The following SSRP1 variants were observed in gnomAD, a reference collection of about 807,000 sequenced individuals.
SSRP1 encodes structure specific recognition protein 1.
Under a neutral mutation model 84.4 loss-of-function variants are expected in SSRP1, and 21 were observed. The observed-to-expected ratio is 0.25, with a 90% CI of 0.18 to 0.36. The LOEUF (loss-of-function observed/expected upper bound fraction) is 0.36, where lower values mean the gene tolerates loss of function less well. SSRP1 is among the 10% of genes least tolerant of loss of function. The pLI is 1.00. For synonymous variants in SSRP1, 319 were observed against 318.3 expected (o/e 1.00, Z -0.02); for missense variants, 519 against 900.8 (o/e 0.58, Z 5.43).
In SSRP1 at chr11:57,335,322, C is replaced by A. The variant is rs546766219; in HGVS notation, c.-119-82G>T. On this transcript the variant is annotated intron_variant, in intron 1 of 16. Coordinates refer to ENST00000278412, the MANE Select transcript of SSRP1 (RefSeq NM_003146.3). This position sits in a 1 kb window ranked among gnomAD's most constrained non-coding sequence, Gnocchi z 4.6. Reference sequence around the variant, plus strand: ...GATGGAGCCAGGTAGCAACTCCCAGCTGCGCCTGGATGTCTCAGGATTTCC... The same window carrying A: ...GATGGAGCCAGGTAGCAACTCCCAGATGCGCCTGGATGTCTCAGGATTTCC... 3.4e-6 allele frequency: 2 copies of A among 588,598 alleles called. No individual in the cohort carries two copies. Among genetic ancestry groups the A allele is most frequent in the East Asian group, 6.1e-5 (2 of 32,740 alleles). 36.5% of individuals were successfully genotyped at this position (588,598 alleles called of 1,614,324 possible). A position where few individuals can be genotyped will look rare whatever the true frequency, so the allele number is the denominator to read the frequency against.
Position 57,330,750 on chromosome 11 carries a change from G to A in SSRP1, c.1296+105C>T. The A allele has an allele frequency of 6.3e-7, 1 of 1,581,120 alleles. No homozygotes were observed. Among genetic ancestry groups the A allele is most frequent in the Non-Finnish European group, 8.6e-7 (1 of 1,162,480 alleles). On this transcript the variant is annotated intron_variant, in intron 10 of 16. Coordinates refer to ENST00000278412, the MANE Select transcript of SSRP1 (RefSeq NM_003146.3). This position sits in a 1 kb window ranked among gnomAD's most constrained non-coding sequence, Gnocchi z 4.0. The stretch of plus-strand genomic sequence containing the variant: ...ACACGCACCTCTTTTTTCTATAAGG[G>A]TAAGAAGAGAAGAAAGAGTGAAAAA...
intron 16 of SSRP1, 54 bp downstream of exon 16, chr11:57,326,649 G>T: frequency 6.3e-7 from 1 of 1,592,934 alleles, no homozygotes; most frequent in South Asian, 1.1e-5. Flanking sequence ...ACCCCACACA[G>T]ACACACATGC....
Position 57,333,105 on chromosome 11 carries a change from T to A in SSRP1, c.391A>T (p.Ile131Leu), listed in dbSNP as rs1306551051. 3.1e-6 allele frequency: 5 copies of A among 1,613,538 alleles called. No individual in the cohort carries two copies. Among genetic ancestry groups the A allele is most frequent in the Non-Finnish European group, 4.2e-6 (5 of 1,179,706 alleles). ...FDIGDQPVFE[I>L]PLSNVSQCTT... Reference sequence around the variant, plus strand: ...CACTGGGACACATTGCTGAGGGGTATCTCAAAGACTGGCTGGTCACCAATG... The same window carrying A: ...CACTGGGACACATTGCTGAGGGGTAACTCAAAGACTGGCTGGTCACCAATG... Residue 131 changes from isoleucine to leucine, a missense_variant, in exon 5 of 17, where the codon ATA becomes TTA. By Grantham distance (5) the Ile-to-Leu change is conservative. Coordinates refer to ENST00000278412, the MANE Select transcript of SSRP1 (RefSeq NM_003146.3).
At position 57,330,609 on chromosome 11, in the gene SSRP1, G is replaced by A. The variant is rs1191309846; in HGVS notation, c.1297-180C>T. On this transcript the variant is annotated intron_variant, in intron 10 of 16. Coordinates refer to ENST00000278412, the MANE Select transcript of SSRP1 (RefSeq NM_003146.3). The surrounding 1 kb of genome is among the most constrained non-coding windows in gnomAD (Gnocchi z 4.0). ...TGCCCAAGTACTTCCTGCCAACTGG[G>A]TTAGTCCAAGCCCCAAGCCCCTCCC... 2.8e-6 allele frequency: 4 copies of A among 1,432,398 alleles called. No homozygotes were observed. Among genetic ancestry groups the A allele is most frequent in the Non-Finnish European group, 3.7e-6 (4 of 1,093,254 alleles). 88.7% of individuals were successfully genotyped at this position (1,432,398 alleles called of 1,614,324 possible). A position where few individuals can be genotyped will look rare whatever the true frequency, so the allele number is the denominator to read the frequency against.
chr11:57,327,458 T>G lies in SSRP1; in HGVS notation c.1839A>C (p.Glu613Asp). Residue 613 changes from glutamate (E) to aspartate (D), a missense_variant, in exon 15 of 17, where the codon GAA becomes GAC. By Grantham distance (45) the Glu-to-Asp change is conservative (BLOSUM62 2). Around this residue, in one of 7 missense-constraint regions of SSRP1, gnomAD observed 197 missense variants for 265.0 expected, o/e 0.74. Coordinates refer to ENST00000278412, the MANE Select transcript of SSRP1 (RefSeq NM_003146.3). ...ARRDYEKAMK[E>D]YEGGRGESSK... ...AAGACTCGCCTCGGCCCCCTTCATATTCTTTCATGGCTTTTTCATAGTCCC... is the reference window on the plus strand; with the variant it reads ...AAGACTCGCCTCGGCCCCCTTCATAGTCTTTCATGGCTTTTTCATAGTCCC... 6.2e-7 allele frequency: 1 copy of G among 1,614,188 alleles called. No homozygotes were observed. The highest frequency in any genetic ancestry group is 8.5e-7 in the Non-Finnish European group (1 of 1,180,030).
chr11:57,327,045 G>A (rs1180686261), intron 15 of SSRP1, 156 bp from the exon 16 acceptor site: 6 of 1,363,774 alleles, frequency 4.4e-6, no homozygotes, highest in Non-Finnish European at 5.8e-6. Flanking sequence ...GGCACCAAGG[G>A]AGAGTATCAT....
chr11:57,334,015 T>C (rs945811637), intron 3 of SSRP1, among the ~76,000 whole-genome samples: 1 of 152,152 alleles, frequency 6.6e-6, no homozygotes, highest in Non-Finnish European at 1.5e-5. Context: ...CAGCTGGGCA[T>C]GGTGGCATGT....
intron 3 of SSRP1, 102 bp from the exon 4 acceptor site, chr11:57,333,642 T>C (rs1301506224): frequency 1.5e-5 from 12 of 818,540 alleles, no homozygotes; most frequent in South Asian, 7.7e-5. Flanking sequence ...CTGCCCCAAA[T>C]AGGCTTTATA....
rs879194846 is a variant in SSRP1, at chr11:57,334,405, GA to G, written c.240+57del. ...ATGAGGAAGGAACCTCGAGTCTCTA[GA>G]AGATTAAAATAAGAAGATGCAGTAA... On this transcript the variant is annotated intron_variant, in intron 3 of 16. Transcript: ENST00000278412. 2.0e-5 allele frequency: 32 copies of G among 1,586,132 alleles called. No homozygotes were observed. The Middle Eastern group carries it at 5.0e-4, about 25-fold the overall frequency.
rs1284979981 is a variant in SSRP1, at chr11:57,326,564, GCCC to G, written c.2059-89_2059-87del. On this transcript the variant is annotated intron_variant, in intron 16 of 16. Coordinates refer to ENST00000278412, the MANE Select transcript of SSRP1 (RefSeq NM_003146.3). ...AGTGAAGGGCCCGCAATTCCCTACCGCCCCCAACTACAGCACCCCCCTTCAGAA... is the reference window on the plus strand; with the variant it reads ...AGTGAAGGGCCCGCAATTCCCTACCGCCAACTACAGCACCCCCCTTCAGAA... 1.1e-5 allele frequency: 17 copies of G among 1,594,562 alleles called. No homozygotes were observed. The South Asian group carries it at 1.4e-4, about 14-fold the overall frequency.
intron 2 of SSRP1, among the ~76,000 whole-genome samples, 170 bp from the exon 3 acceptor site, chr11:57,334,818 T>C (rs575480788): frequency 7.9e-5 from 12 of 152,350 alleles, no homozygotes; most frequent in African/African-American, 2.9e-4. Flanking sequence ...CTCTGGTATC[T>C]AGAACCCTTA....
rs1409920554 is a variant in SSRP1 at position 57,327,852 on chromosome 11, T to G, written c.1642A>C (p.Lys548Gln). ...VKKGKDPNAP[K>Q]RPMSAYMLWL... ...AGCATGTATGCAGACATGGGCCTCT[T>G]GGGGGCATTGGGGTCTTTGCCCTTC... Residue 548 changes from lysine (K) to glutamine (Q), a missense_variant, in exon 14 of 17, where the codon AAG becomes CAG. This residue lies in a region of SSRP1 where 197 missense variants were observed against 265.0 expected (regional missense o/e 0.74). Transcript: ENST00000278412. The G allele has an allele frequency of 6.2e-7, 1 of 1,614,002 alleles. No homozygotes were observed. The highest frequency in any genetic ancestry group is 8.5e-7 in the Non-Finnish European group (1 of 1,180,012).
Position 57,326,241 on chromosome 11 carries a change from TA to T in SSRP1, c.*165del. On this transcript the variant is annotated 3_prime_UTR_variant, in exon 17 of 17. Coordinates refer to ENST00000278412, the MANE Select transcript of SSRP1 (RefSeq NM_003146.3). Reference sequence around the variant, plus strand: ...AGCCATCCTTGGGAAGCAGCAGAGTTAAGACGTCTCCCCACTGCCCTAGTGA... The same window carrying T: ...AGCCATCCTTGGGAAGCAGCAGAGTTAGACGTCTCCCCACTGCCCTAGTGA... 1 of 659,718 alleles carries T rather than the reference TA, an allele frequency of 1.5e-6. No individual in the cohort carries two copies. The highest frequency in any genetic ancestry group is 2.7e-5 in the Admixed American group (1 of 37,034). The allele number at this position is 659,718 out of a possible 1,614,324, so 40.9% of individuals were successfully genotyped here. A position where few individuals can be genotyped will look rare whatever the true frequency, so the allele number is the denominator to read the frequency against.
At chr11:57,328,019 G>A (rs917254482) in intron 13 of SSRP1, 137 bp from the exon 14 acceptor site, 2 of 1,110,714 alleles carry the variant, frequency 1.8e-6, no homozygotes, top group South Asian at 1.6e-5. Flanking sequence ...CTCCCTAAGG[G>A]CAAGGATAGT....
chr11:57,334,980 C>T, intron 2 of SSRP1, 88 bp downstream of exon 2: 1 of 1,490,818 alleles, frequency 6.7e-7, no homozygotes, highest in Non-Finnish European at 9.3e-7. Flanking sequence ...TCCAAAATAA[C>T]GTTACCAAAG....
At position 57,335,040 on chromosome 11, in the gene SSRP1, T is replaced by C. The variant is rs764496387; in HGVS notation, c.54+28A>G. The C allele has an allele frequency of 1.9e-6, 3 of 1,613,426 alleles. No individual in the cohort carries two copies. Among genetic ancestry groups the C allele is most frequent in the Middle Eastern group, 3.3e-4 (2 of 6,058 alleles). ...CTCTACCCTCCTTCCTTCTCTCTAC[T>C]TGTATCACCTGTCCAAGCCATTCTC... On this transcript the variant is annotated intron_variant, in intron 2 of 16. Coordinates refer to ENST00000278412, the MANE Select transcript of SSRP1 (RefSeq NM_003146.3). The surrounding 1 kb of genome is among the most constrained non-coding windows in gnomAD (Gnocchi z 4.6).
At chr11:57,327,685 C>CA (rs746531829) in intron 14 of SSRP1, 27 bp downstream of exon 14, 1 of 1,611,510 alleles carries the variant, frequency 6.2e-7, no homozygotes, top group South Asian at 1.1e-5. Flanking sequence ...CCATGAGAGG[C>CA]ATCACCCCTC....
rs1284137186 is a variant in SSRP1, at chr11:57,332,135, C to G, written c.1001+17G>C. 3 of 1,613,124 alleles carry G rather than the reference C, an allele frequency of 1.9e-6. No homozygotes were observed. The highest frequency in any genetic ancestry group is 2.5e-6 in the Non-Finnish European group (3 of 1,179,890). On this transcript the variant is annotated intron_variant, in intron 8 of 16. Coordinates refer to ENST00000278412, the MANE Select transcript of SSRP1 (RefSeq NM_003146.3). The surrounding 1 kb of genome is among the most constrained non-coding windows in gnomAD (Gnocchi z 5.5). ...CCCATACCCAGGCAGGGCAGGATCC[C>G]AGGCCCACACTCTCACCCTTGGAAG... is the stretch of plus-strand genomic sequence containing the variant.
chr11:57,327,043 G>A, intron 15 of SSRP1, 154 bp from the exon 16 acceptor site: 1 of 1,370,900 alleles, frequency 7.3e-7, no homozygotes, highest in Non-Finnish European at 9.6e-7. Context: ...AGGGCACCAA[G>A]GGAGAGTATC....
Sources: allele counts gnomAD v4.1 joint callset (sites outside exome capture counted in the v4.1 genomes callset), GRCh38; gene constraint gnomAD v4.1.1; regional missense constraint gnomAD v4.1.1; non-coding constraint Gnocchi (gnomAD v3.1); transcripts MANE v1.5; gene names NCBI Gene and HGNC (gene_info 2026-07-23, HGNC 2026-07-21).